The following ULK4 variants were observed in gnomAD, a reference collection of about 807,000 sequenced individuals.
ULK4 encodes the protein inactive serine/threonine-protein kinase ULK4.
Under a neutral mutation model 160.6 loss-of-function variants are expected in ULK4, and 133 were observed. The ratio of observed to expected loss-of-function variants is 0.83; its 90% CI spans 0.72 to 0.96. The LOEUF is 0.96. Among genes scored for constraint, ULK4 ranks in the 40% least tolerant of loss-of-function variants. ULK4 has a pLI of 0.00. For missense variants in ULK4, 1,580 were observed against 1,499.5 expected, an observed-to-expected ratio of 1.05 and a Z score of -0.89; for synonymous variants, 534 against 539.8, an observed-to-expected ratio of 0.99 and a Z score of 0.15.
At chr3:41,507,475 A>AC (rs200812796) in intron 32 of ULK4, among the ~76,000 whole-genome samples, 4,497 of 152,060 alleles carry the variant, frequency 0.03, 209 homozygotes, top group African/African-American at 0.098. Flanking sequence ...AACATTTAAG[A>AC]AACTAAATGA....
chr3:41,529,174 C>T (rs1665852557), intron 32 of ULK4, among the ~76,000 whole-genome samples: 1 of 152,132 alleles, frequency 6.6e-6, no homozygotes, highest in Non-Finnish European at 1.5e-5. Flanking sequence ...TCAAGCAATG[C>T]CCATTTTGTG....
chr3:41,424,947 T>C (rs2082745127), intron 34 of ULK4, among the ~76,000 whole-genome samples: 1 of 150,436 alleles, frequency 6.6e-6, no homozygotes. Context: ...GAGGCTGAGA[T>C]GGTGGAATTG....
At chr3:41,428,725 A>G (rs1474370601) in intron 34 of ULK4, among the ~76,000 whole-genome samples, 1 of 152,206 alleles carries the variant, frequency 6.6e-6, no homozygotes, top group Non-Finnish European at 1.5e-5. Flanking sequence ...ATATGGAAAA[A>G]AATTGAAACT....
At chr3:41,432,536 A>T (rs1036359929) in intron 34 of ULK4, among the ~76,000 whole-genome samples, 2 of 152,192 alleles carry the variant, frequency 1.3e-5, no homozygotes, top group Non-Finnish European at 2.9e-5. Flanking sequence ...CTTCTGTGGT[A>T]CAAAAGAATC....
At chr3:41,902,052 T>C (rs1698386732) in intron 12 of ULK4, among the ~76,000 whole-genome samples, 1 of 152,064 alleles carries the variant, frequency 6.6e-6, no homozygotes. Context: ...TGCCTCAGTA[T>C]TTCCCAACAG....
intron 32 of ULK4, among the ~76,000 whole-genome samples, chr3:41,515,827 A>G (rs1018783752): frequency 6.6e-6 from 1 of 152,224 alleles, no homozygotes; most frequent in Admixed American, 6.5e-5. Context: ...GAGCCGAATC[A>G]TATCAGTAGA....
chr3:41,639,346 G>T (rs2034090232), intron 30 of ULK4, among the ~76,000 whole-genome samples: 1 of 152,134 alleles, frequency 6.6e-6, no homozygotes, highest in Non-Finnish European at 1.5e-5. Context: ...TGTTTGACAA[G>T]TTCAAAATAC....
chr3:41,952,091 A>G (rs1006101192), intron 2 of ULK4, among the ~76,000 whole-genome samples: 1 of 152,196 alleles, frequency 6.6e-6, no homozygotes, highest in Non-Finnish European at 1.5e-5. Context: ...AAAATACATA[A>G]CTATCAGAAG....
chr3:41,789,978 A>G (rs561276425), intron 20 of ULK4, 135 bp from the exon 21 acceptor site: 13 of 763,748 alleles, frequency 1.7e-5, no homozygotes, highest in East Asian at 1.6e-4. Context: ...TTGGCACAAG[A>G]AAGTTGGCAA....
intron 30 of ULK4, among the ~76,000 whole-genome samples, chr3:41,649,344 C>A (rs973627720): frequency 2.0e-5 from 3 of 152,098 alleles, no homozygotes; most frequent in Admixed American, 2.0e-4. Flanking sequence ...CAGGCAGGAG[C>A]CCCACCCCCT....
chr3:41,260,807 G>A (rs2078925577), intron 35 of ULK4, among the ~76,000 whole-genome samples: 1 of 152,320 alleles, frequency 6.6e-6, no homozygotes, highest in Admixed American at 6.5e-5. Context: ...TAAACACCTG[G>A]AACAGTACTG....
intron 35 of ULK4, among the ~76,000 whole-genome samples, chr3:41,397,291 G>A (rs2082083158): frequency 6.6e-6 from 1 of 152,144 alleles, no homozygotes; most frequent in African/African-American, 2.4e-5. Flanking sequence ...AAGTGAAGCA[G>A]AAGGGAAAGT....
At chr3:41,625,504 C>T (rs2033463133) in intron 30 of ULK4, among the ~76,000 whole-genome samples, 1 of 152,114 alleles carries the variant, frequency 6.6e-6, no homozygotes, top group African/African-American at 2.4e-5. Flanking sequence ...TCATTTGATG[C>T]AGTACTTTGG....
At chr3:41,528,952 C>G (rs1441982286) in intron 32 of ULK4, among the ~76,000 whole-genome samples, 1 of 152,078 alleles carries the variant, frequency 6.6e-6, no homozygotes, top group Non-Finnish European at 1.5e-5. Flanking sequence ...ATGTAGCGAG[C>G]CTTCACATGT....
chr3:41,627,655 A>T (rs2033581262), intron 30 of ULK4, among the ~76,000 whole-genome samples: 2 of 152,220 alleles, frequency 1.3e-5, no homozygotes, highest in African/African-American at 4.8e-5. Context: ...GCCATGGGCT[A>T]ATCTTATAAA....
chr3:41,382,186 C>T (rs958001822), intron 35 of ULK4, among the ~76,000 whole-genome samples: 1 of 152,148 alleles, frequency 6.6e-6, no homozygotes, highest in Admixed American at 6.6e-5. Context: ...ACATAGTTTA[C>T]TTAATAAATG....
At chr3:41,715,065 CAAATGT>C (rs2037220134) in intron 25 of ULK4, among the ~76,000 whole-genome samples, 166 bp downstream of exon 25, 2 of 152,038 alleles carry the variant, frequency 1.3e-5, no homozygotes, top group Non-Finnish European at 2.9e-5. Flanking sequence ...GTGTTTTCTC[CAAATGT>C]CAAATTTTAT....
intron 19 of ULK4, among the ~76,000 whole-genome samples, chr3:41,809,682 C>T (rs529629510): frequency 3.9e-5 from 6 of 152,242 alleles, no homozygotes; most frequent in African/African-American, 1.4e-4. Flanking sequence ...TTTCTGTTGG[C>T]CTACTTATCT....
chr3:41,879,522 G>T (rs1417272209), intron 17 of ULK4, among the ~76,000 whole-genome samples: 9 of 151,980 alleles, frequency 5.9e-5, no homozygotes, highest in Non-Finnish European at 8.8e-5. Flanking sequence ...TTGAGACAGG[G>T]TCTTGCTCTG....
Sources: gnomAD v4.1 joint callset for allele counts (sites outside exome capture counted in the v4.1 genomes callset) on GRCh38, gnomAD v4.1.1 for gene constraint, MANE v1.5 for transcripts, NCBI Gene and HGNC (gene_info 2026-07-23, HGNC 2026-07-21) for gene names.